MSRA: variants seen among roughly 807,000 people sequenced by gnomAD.
MSRA encodes the protein methionine sulfoxide reductase A.
In MSRA, 54 loss-of-function variants were observed where a neutral mutation model predicts 31.3. The observed-to-expected ratio is 1.73, with a 90% CI of 1.39 to 2.17. The LOEUF is 2.17. Ranked by LOEUF, MSRA falls within the 30% of genes most tolerant of loss-of-function variation. The probability of loss-of-function intolerance (pLI) is 0.00; values close to 1 mark genes in which losing one functional copy is unlikely to be tolerated. For synonymous variants in MSRA, 169 were observed against 116.5 expected, an observed-to-expected ratio of 1.45 and a Z score of -2.90; for missense variants, 507 against 300.9, an observed-to-expected ratio of 1.69 and a Z score of -5.07.
rs541758824 is a variant in MSRA at position 10,372,971 on chromosome 8, C to T, written c.543+52982C>T. On this transcript the variant is annotated intron_variant, in intron 5 of 5. Transcript: ENST00000317173. Reference sequence around the variant, plus strand: ...TGCTGCGATCTCGGCCCAATTGCAACCTCCGCCTCTGAGGTTCAAGAGATT... The same window carrying T: ...TGCTGCGATCTCGGCCCAATTGCAATCTCCGCCTCTGAGGTTCAAGAGATT... Among the ~76,000 whole-genome samples the T allele has an allele frequency of 7.2e-5, 11 of 152,348 alleles. No individual in the cohort carries two copies. In the South Asian group the frequency reaches 2.1e-3, roughly 29 times the overall value.
At position 10,126,200 on chromosome 8, in the gene MSRA, A is replaced by G. The variant is rs183089789; in HGVS notation, c.142+71542A>G. On this transcript the variant is annotated intron_variant, in intron 1 of 5. Transcript: ENST00000317173. ...TGAGATGAGTTGTATCTTAGGTCAC[A>G]GTTGTTGAAGCCAGACAACGTGAAA... Among the ~76,000 whole-genome samples, 682 of 152,372 alleles carry G rather than the reference A, an allele frequency of 4.5e-3. 24 individuals are homozygous for G. Among genetic ancestry groups the G allele is most frequent in the Non-Finnish European group, 8.2e-4 (56 of 68,044 alleles).
chr8:10,292,186 A>T (rs1162923803), intron 3 of MSRA, among the ~76,000 whole-genome samples: 2 of 152,222 alleles, frequency 1.3e-5, no homozygotes, highest in Non-Finnish European at 2.9e-5. Context: ...TCCAGTGTGC[A>T]TGTGGGATTC....
chr8:10,110,691 C>A (rs774935284), intron 1 of MSRA, among the ~76,000 whole-genome samples: 1 of 152,170 alleles, frequency 6.6e-6, no homozygotes, highest in Non-Finnish European at 1.5e-5. Flanking sequence ...GTAGTGATCG[C>A]GCTTTCTCCC....
At chr8:10,135,455 G>A (rs1273850606) in intron 1 of MSRA, among the ~76,000 whole-genome samples, 2 of 152,142 alleles carry the variant, frequency 1.3e-5, no homozygotes, top group Non-Finnish European at 2.9e-5. Context: ...GAAAAACAGT[G>A]GAAGTAAAGT....
intron 1 of MSRA, among the ~76,000 whole-genome samples, chr8:10,147,996 G>C (rs1197627880): frequency 6.6e-6 from 1 of 152,198 alleles, no homozygotes; most frequent in African/African-American, 2.4e-5. Flanking sequence ...GTTGCTGCCC[G>C]TACCTGTGCA....
chr8:10,267,715 C>G (rs1798819505), intron 3 of MSRA, among the ~76,000 whole-genome samples: 2 of 152,264 alleles, frequency 1.3e-5, no homozygotes, highest in South Asian at 4.1e-4. Context: ...GAATGAGTCA[C>G]TTAGTCTCTC....
intron 1 of MSRA, among the ~76,000 whole-genome samples, chr8:10,144,451 T>A (rs1802965573): frequency 6.6e-6 from 1 of 152,182 alleles, no homozygotes; most frequent in Non-Finnish European, 1.5e-5. Flanking sequence ...TGTGAAGCGC[T>A]TAGACTGGTG....
At chr8:10,389,792 T>C (rs866379835) in intron 5 of MSRA, among the ~76,000 whole-genome samples, 458 of 12,952 alleles carry the variant, frequency 0.035, 4 homozygotes, top group African/African-American at 0.076. Context: ...AACTTACTCT[T>C]TTTTTTTTTT....
chr8:10,222,000 G>A (rs1050987621), intron 2 of MSRA, among the ~76,000 whole-genome samples: 1 of 145,604 alleles, frequency 6.9e-6, no homozygotes, highest in African/African-American at 2.6e-5. Context: ...CAGGTAATTC[G>A]TGGGTAATTG....
chr8:10,232,054 T>A (rs1473806040), intron 2 of MSRA, among the ~76,000 whole-genome samples: 4 of 152,116 alleles, frequency 2.6e-5, no homozygotes, highest in Non-Finnish European at 4.4e-5. Context: ...AGTCTCAGGG[T>A]GGAATGGCTG....
chr8:10,398,399 C>G (rs926941657), intron 5 of MSRA, among the ~76,000 whole-genome samples: 1 of 152,190 alleles, frequency 6.6e-6, no homozygotes, highest in Non-Finnish European at 1.5e-5. Flanking sequence ...CCGAGAGAGA[C>G]CTTCTCTGAG....
At chr8:10,210,852 G>C (rs1277220292) in intron 2 of MSRA, among the ~76,000 whole-genome samples, 1 of 151,444 alleles carries the variant, frequency 6.6e-6, no homozygotes, top group Non-Finnish European at 1.5e-5. Flanking sequence ...TCCTGCCTCA[G>C]CCTCCCAAGT....
intron 5 of MSRA, among the ~76,000 whole-genome samples, chr8:10,410,794 G>C (rs1271601796): frequency 6.6e-6 from 1 of 152,144 alleles, no homozygotes; most frequent in East Asian, 1.9e-4. Flanking sequence ...CAGTTAACAT[G>C]GATTTTTATT....
intron 3 of MSRA, among the ~76,000 whole-genome samples, chr8:10,280,937 A>G (rs1799590998): frequency 1.3e-5 from 2 of 152,228 alleles, no homozygotes; most frequent in South Asian, 4.1e-4. Context: ...TTTATTTGAA[A>G]CGTCCAGAAT....
At chr8:10,259,778 G>A (rs917948805) in intron 3 of MSRA, among the ~76,000 whole-genome samples, 1 of 152,210 alleles carries the variant, frequency 6.6e-6, no homozygotes, top group African/African-American at 2.4e-5. Context: ...CCGGACCTCA[G>A]CTTCCCTGCA....
chr8:10,389,357 C>T (rs568582685), intron 5 of MSRA, among the ~76,000 whole-genome samples: 6 of 152,372 alleles, frequency 3.9e-5, no homozygotes, highest in Admixed American at 1.3e-4. Flanking sequence ...TGATAAAACA[C>T]TGCCGTTACA....
At chr8:10,068,425 T>C (rs111995319) in intron 1 of MSRA, among the ~76,000 whole-genome samples, 13 of 152,374 alleles carry the variant, frequency 8.5e-5, no homozygotes, top group African/African-American at 3.1e-4. Flanking sequence ...TCCTGTGTTA[T>C]CTTCTAGGAT....
chr8:10,260,973 A>G (rs999043948), intron 3 of MSRA, among the ~76,000 whole-genome samples: 5 of 152,358 alleles, frequency 3.3e-5, no homozygotes, highest in African/African-American at 4.8e-5. Flanking sequence ...GTGAAAAACA[A>G]TAACTTTCAT....
At chr8:10,256,879 C>T (rs1025147063) in intron 3 of MSRA, among the ~76,000 whole-genome samples, 1 of 152,158 alleles carries the variant, frequency 6.6e-6, no homozygotes, top group African/African-American at 2.4e-5. Flanking sequence ...CTCCTGCCCT[C>T]CTTCTCCTGC....
Sources: allele counts gnomAD v4.1 joint callset (sites outside exome capture counted in the v4.1 genomes callset), GRCh38; gene constraint gnomAD v4.1.1; transcripts MANE v1.5; gene names NCBI Gene and HGNC (gene_info 2026-07-23, HGNC 2026-07-21).